KCNMB2: variants seen among roughly 807,000 people sequenced by gnomAD.
KCNMB2 encodes calcium-activated potassium channel subunit beta-2.
A neutral mutation model predicts 24.5 loss-of-function variants in KCNMB2; 9 were observed. The ratio of observed to expected loss-of-function variants is 0.37; its 90% CI spans 0.22 to 0.64. The LOEUF (loss-of-function observed/expected upper bound fraction) is 0.64. KCNMB2 is among the 30% of genes least tolerant of loss of function. The pLI, the probability that KCNMB2 is intolerant of heterozygous loss-of-function variation, is 0.63. For synonymous variants in KCNMB2, 109 were observed against 104.4 expected (o/e 1.04, Z -0.27); for missense variants, 226 against 284.3 (o/e 0.79, Z 1.47).
intron 1 of KCNMB2, among the ~76,000 whole-genome samples, chr3:178,699,875 G>C (rs1395709454): frequency 6.6e-6 from 1 of 152,242 alleles, no homozygotes; most frequent in Non-Finnish European, 1.5e-5. Flanking sequence ...TCATGTGGTG[G>C]TCGAGGGTTC....
intron 1 of KCNMB2, among the ~76,000 whole-genome samples, chr3:178,700,934 T>C (rs1045830449): frequency 2.0e-5 from 3 of 152,242 alleles, no homozygotes; most frequent in Non-Finnish European, 4.4e-5. Context: ...GTGGTTTCTT[T>C]TGCTGTGCAG....
chr3:178,686,594 C>T (rs1041268448), intron 1 of KCNMB2, among the ~76,000 whole-genome samples: 1 of 152,088 alleles, frequency 6.6e-6, no homozygotes, highest in African/African-American at 2.4e-5. Context: ...AGTGACCTTC[C>T]TGCTTTTGCT....
At chr3:178,666,142 G>T (rs1422934448) in intron 1 of KCNMB2, among the ~76,000 whole-genome samples, 1 of 152,132 alleles carries the variant, frequency 6.6e-6, no homozygotes, top group African/African-American at 2.4e-5. Flanking sequence ...AACATGGTTT[G>T]TGAACACTTA....
At chr3:178,755,657 AG>A (rs1724005655) in intron 1 of KCNMB2, among the ~76,000 whole-genome samples, 1 of 152,184 alleles carries the variant, frequency 6.6e-6, no homozygotes, top group African/African-American at 2.4e-5. Flanking sequence ...GACATTTCCT[AG>A]GCTATGCAAA....
In KCNMB2 at chr3:178,644,138, A is replaced by G. The variant is rs139083253; in HGVS notation, c.-68+107427A>G. Among the ~76,000 whole-genome samples, 178 of 152,346 alleles carry G rather than the reference A, an allele frequency of 1.2e-3. No individual in the cohort carries two copies. The Middle Eastern group carries it at 0.017, about 15-fold the overall frequency. On this transcript the variant is annotated intron_variant, in intron 1 of 4. Coordinates refer to ENST00000452583, the MANE Select transcript of KCNMB2 (RefSeq NM_181361.3). ...AATACCCTCCGAGCAAGGCAAAAAC[A>G]AAGTACTCCACCAGAATGCCTAAAT...
At chr3:178,831,227 C>T (rs1187451853) in intron 4 of KCNMB2, among the ~76,000 whole-genome samples, 1 of 152,068 alleles carries the variant, frequency 6.6e-6, no homozygotes, top group Non-Finnish European at 1.5e-5. Context: ...CAGAAGTTAT[C>T]TATTCTGTTA....
chr3:178,815,358 T>A (rs1393474244), intron 2 of KCNMB2, among the ~76,000 whole-genome samples: 4 of 151,990 alleles, frequency 2.6e-5, no homozygotes, highest in Non-Finnish European at 4.4e-5. Flanking sequence ...TGAGTTCAAG[T>A]GATCCTCCTC....
chr3:178,746,664 C>G (rs1182332370), intron 1 of KCNMB2, among the ~76,000 whole-genome samples: 1 of 152,184 alleles, frequency 6.6e-6, no homozygotes. Flanking sequence ...TAACAGCACC[C>G]AAGTCACCTC....
At chr3:178,673,714 C>T (rs1720980769) in intron 1 of KCNMB2, among the ~76,000 whole-genome samples, 1 of 152,150 alleles carries the variant, frequency 6.6e-6, no homozygotes, top group Admixed American at 6.5e-5. Flanking sequence ...GGCTAATTCT[C>T]CAGTCTTTCA....
chr3:178,640,319 T>G (rs1717099932), intron 1 of KCNMB2, among the ~76,000 whole-genome samples: 1 of 152,052 alleles, frequency 6.6e-6, no homozygotes, highest in Non-Finnish European at 1.5e-5. Context: ...AAACTTACAA[T>G]CACAGCAGAA....
At chr3:178,549,198 A>G (rs1410968042) in intron 1 of KCNMB2, among the ~76,000 whole-genome samples, 1 of 152,198 alleles carries the variant, frequency 6.6e-6, no homozygotes, top group Non-Finnish European at 1.5e-5. Flanking sequence ...TAACCCTATT[A>G]GCATGAAGAG....
Position 178,758,580 on chromosome 3 carries a change from A to C in KCNMB2, c.-67-48763A>C, listed in dbSNP as rs1724331794. On this transcript the variant is annotated intron_variant, in intron 1 of 4. Coordinates refer to ENST00000452583, the MANE Select transcript of KCNMB2 (RefSeq NM_181361.3). ...AGAGGAGATATATATATATATATATATATATCCAAGAGGAGATATATATAT... is the reference window on the plus strand; with the variant it reads ...AGAGGAGATATATATATATATATATCTATATCCAAGAGGAGATATATATAT... Among the ~76,000 whole-genome samples the C allele has an allele frequency of 3.5e-4, 22 of 62,212 alleles. 4 individuals carry two copies. Among genetic ancestry groups the C allele is most frequent in the Non-Finnish European group, 7.3e-4 (22 of 30,206 alleles). 40.8% of individuals were successfully genotyped at this position (62,212 alleles called of 152,430 possible). A position where few individuals can be genotyped will look rare whatever the true frequency, so the allele number is the denominator to read the frequency against.
intron 1 of KCNMB2, among the ~76,000 whole-genome samples, chr3:178,594,381 G>T (rs1717790393): frequency 6.6e-6 from 1 of 152,108 alleles, no homozygotes; most frequent in African/African-American, 2.4e-5. Flanking sequence ...TAGTGTGGAA[G>T]CAGTGAAGAT....
chr3:178,840,014 C>T (rs144975498), intron 4 of KCNMB2, among the ~76,000 whole-genome samples: 76 of 152,236 alleles, frequency 5.0e-4, no homozygotes, highest in Non-Finnish European at 7.2e-4. Context: ...AAATCCCTTC[C>T]GCCTATAAGC....
At chr3:178,816,565 G>A (rs1164212262) in intron 2 of KCNMB2, among the ~76,000 whole-genome samples, 3 of 151,872 alleles carry the variant, frequency 2.0e-5, no homozygotes, top group Non-Finnish European at 4.4e-5. Flanking sequence ...TGGATGCCTA[G>A]TGCATTAATC....
At chr3:178,572,515 G>A (rs748556900) in intron 1 of KCNMB2, among the ~76,000 whole-genome samples, 1 of 152,134 alleles carries the variant, frequency 6.6e-6, no homozygotes, top group African/African-American at 2.4e-5. Flanking sequence ...ATATCTAGTA[G>A]TAATAACAAA....
intron 4 of KCNMB2, among the ~76,000 whole-genome samples, chr3:178,833,215 A>G (rs1295739039): frequency 1.3e-5 from 2 of 152,116 alleles, no homozygotes; most frequent in East Asian, 3.9e-4. Context: ...CCCAACCCAA[A>G]GTGAATAGGG....
intron 1 of KCNMB2, among the ~76,000 whole-genome samples, chr3:178,720,357 C>T (rs1185670902): frequency 6.9e-6 from 1 of 144,712 alleles, no homozygotes; most frequent in Non-Finnish European, 1.5e-5. Flanking sequence ...ATATGTGCCA[C>T]ATTTTCTTAA....
At chr3:178,773,337 T>G (rs965569242) in intron 1 of KCNMB2, among the ~76,000 whole-genome samples, 1 of 152,204 alleles carries the variant, frequency 6.6e-6, no homozygotes, top group Non-Finnish European at 1.5e-5. Flanking sequence ...TGGCTTTTAT[T>G]TTTAAATTTT....
Sources: allele counts gnomAD v4.1 joint callset (sites outside exome capture counted in the v4.1 genomes callset), GRCh38; gene constraint gnomAD v4.1.1; transcripts MANE v1.5; gene names NCBI Gene and HGNC (gene_info 2026-07-23, HGNC 2026-07-21).